DPYD: variants seen among roughly 807,000 people sequenced by gnomAD.
The protein encoded by DPYD is dihydropyrimidine dehydrogenase.
Under a neutral mutation model 116.2 loss-of-function variants are expected in DPYD, and 109 were observed. The ratio of observed to expected loss-of-function variants is 0.94; its 90% confidence interval spans 0.80 to 1.10. DPYD has a LOEUF of 1.10. Among genes scored for constraint, DPYD ranks in the 50% least tolerant of loss-of-function variants. The pLI is 0.00. For synonymous variants in DPYD, 440 were observed against 432.0 expected (o/e 1.02, Z -0.23); for missense variants, 1,302 against 1,254.5 (o/e 1.04, Z -0.57).
At chr1:97,311,507 G>C (rs542262019) in intron 16 of DPYD, among the ~76,000 whole-genome samples, 3 of 151,654 alleles carry the variant, frequency 2.0e-5, no homozygotes, top group East Asian at 3.9e-4. Flanking sequence ...CTACCAGATT[G>C]GGGGGTTGGG....
At chr1:97,384,294 T>C (rs981637613) in intron 14 of DPYD, among the ~76,000 whole-genome samples, 1 of 150,614 alleles carries the variant, frequency 6.6e-6, no homozygotes, top group Admixed American at 6.6e-5. Flanking sequence ...AACGTTTTCA[T>C]CAGGAGAATA....
chr1:97,586,485 T>C lies in DPYD; in HGVS notation c.1128+6733A>G, dbSNP rs1356087060. On this transcript the variant is annotated intron_variant, in intron 10 of 22. Coordinates refer to ENST00000370192, the MANE Select transcript of DPYD (RefSeq NM_000110.4). ...ACATACATATATATATATATATATA[T>C]ATATATATATATATATATATATATA... Among the ~76,000 whole-genome samples, 30 of 103,484 alleles carry C rather than the reference T, an allele frequency of 2.9e-4. 1 individual carries two copies. Among genetic ancestry groups the C allele is most frequent in the Non-Finnish European group, 5.0e-4 (26 of 52,268 alleles). 67.9% of individuals were successfully genotyped at this position (103,484 alleles called of 152,430 possible). A position where few individuals can be genotyped will look rare whatever the true frequency, so the allele number is the denominator to read the frequency against.
chr1:97,731,386 TA>T (rs1418842537), intron 4 of DPYD, among the ~76,000 whole-genome samples: 1 of 152,062 alleles, frequency 6.6e-6, no homozygotes, highest in African/African-American at 2.4e-5. Flanking sequence ...TAATTTACTT[TA>T]AAAATTTTAA....
At chr1:97,490,240 G>A (rs1189309986) in intron 13 of DPYD, among the ~76,000 whole-genome samples, 9 of 150,982 alleles carry the variant, frequency 6.0e-5, no homozygotes, top group African/African-American at 2.2e-4. Context: ...CTGCTATACC[G>A]CTTACTAACA....
intron 20 of DPYD, among the ~76,000 whole-genome samples, chr1:97,145,775 T>C (rs1199777618): frequency 6.7e-6 from 1 of 149,834 alleles, no homozygotes. Flanking sequence ...TTGTTTGACT[T>C]TTTTTTTTTT....
At chr1:97,511,797 C>A (rs530433156) in intron 13 of DPYD, among the ~76,000 whole-genome samples, 1 of 151,970 alleles carries the variant, frequency 6.6e-6, no homozygotes, top group East Asian at 1.9e-4. Flanking sequence ...GTTAGGCCAG[C>A]CGATTTTTAC....
At chr1:97,178,327 A>G (rs942496148) in intron 20 of DPYD, among the ~76,000 whole-genome samples, 8 of 152,178 alleles carry the variant, frequency 5.3e-5, no homozygotes, top group African/African-American at 1.2e-4. Context: ...CTATAAAGAC[A>G]TAACAGAGAC....
intron 7 of DPYD, among the ~76,000 whole-genome samples, chr1:97,680,976 C>T (rs1660399497): frequency 1.3e-5 from 2 of 152,082 alleles, no homozygotes; most frequent in Admixed American, 6.6e-5. Context: ...TTCCTAAAAA[C>T]AAAGCCCTTA....
chr1:97,291,144 C>G (rs1385684227), intron 18 of DPYD, among the ~76,000 whole-genome samples: 1 of 152,166 alleles, frequency 6.6e-6, no homozygotes, highest in Non-Finnish European at 1.5e-5. Context: ...GATATACCAT[C>G]TCACACCAGT....
intron 5 of DPYD, among the ~76,000 whole-genome samples, chr1:97,714,981 G>A (rs1010027663): frequency 6.6e-6 from 1 of 152,042 alleles, no homozygotes; most frequent in African/African-American, 2.4e-5. Context: ...TTAATTTCCT[G>A]GAGTTTCCTG....
In DPYD at chr1:97,814,916, A is replaced by AG. The variant is rs1469386073; in HGVS notation, c.233+13197_233+13198insC. 3.0e-4 allele frequency among the ~76,000 whole-genome samples: 12 copies of AG among 40,178 alleles called. No individual in the cohort carries two copies. The East Asian group carries it at 5.6e-3, about 19-fold the overall frequency. 26.4% of individuals were successfully genotyped at this position (40,178 alleles called of 152,430 possible). A position where few individuals can be genotyped will look rare whatever the true frequency, so the allele number is the denominator to read the frequency against. On this transcript the variant is annotated intron_variant, in intron 3 of 22. Coordinates refer to ENST00000370192, the MANE Select transcript of DPYD (RefSeq NM_000110.4). ...GAGACCCTGTCTCAAAAAAAAAAAA[A>AG]AAAAAGAAAGAGAGAGGAAAGAAAG...
chr1:97,133,099 T>A (rs1257757732), intron 20 of DPYD, among the ~76,000 whole-genome samples: 1 of 152,070 alleles, frequency 6.6e-6, no homozygotes, highest in Non-Finnish European at 1.5e-5. Context: ...TATTTCTTGT[T>A]TTGTAAACTG....
At chr1:97,706,345 C>A (rs544285529) in intron 5 of DPYD, among the ~76,000 whole-genome samples, 1 of 152,078 alleles carries the variant, frequency 6.6e-6, no homozygotes, top group South Asian at 2.1e-4. Flanking sequence ...ATTAAGAGAA[C>A]TGCCTCCCTA....
chr1:97,083,220 T>A (rs1202072078), intron 21 of DPYD, among the ~76,000 whole-genome samples: 26 of 152,144 alleles, frequency 1.7e-4, no homozygotes, highest in Admixed American at 1.7e-3. Context: ...TTTTGCTTCA[T>A]AAAACAAAAC....
chr1:97,245,987 T>G (rs1662691075), intron 18 of DPYD, among the ~76,000 whole-genome samples: 1 of 152,118 alleles, frequency 6.6e-6, no homozygotes, highest in Non-Finnish European at 1.5e-5. Context: ...AAACACAGGC[T>G]GTACAGCAGT....
At chr1:97,496,459 C>A (rs1457451628) in intron 13 of DPYD, among the ~76,000 whole-genome samples, 16 of 152,034 alleles carry the variant, frequency 1.1e-4, no homozygotes, top group Non-Finnish European at 2.2e-4. Context: ...TCCTTCTTTG[C>A]ATATAGTTCA....
chr1:97,690,647 C>G (rs1030018003), intron 7 of DPYD, among the ~76,000 whole-genome samples: 4 of 151,880 alleles, frequency 2.6e-5, no homozygotes, highest in Non-Finnish European at 5.9e-5. Flanking sequence ...TAGAGAAGAA[C>G]TTGTATTCAA....
chr1:97,182,369 A>G (rs1657705870), intron 20 of DPYD, among the ~76,000 whole-genome samples: 1 of 152,112 alleles, frequency 6.6e-6, no homozygotes, highest in South Asian at 2.1e-4. Flanking sequence ...TGATCTGATA[A>G]TTTTGAACCT....
chr1:97,220,140 T>C (rs963525098), intron 19 of DPYD, among the ~76,000 whole-genome samples: 1 of 152,192 alleles, frequency 6.6e-6, no homozygotes, highest in Non-Finnish European at 1.5e-5. Context: ...AGGTGGGGTC[T>C]GTAAGAGGTG....
Sources: allele counts gnomAD v4.1 joint callset (sites outside exome capture counted in the v4.1 genomes callset), GRCh38; gene constraint gnomAD v4.1.1; transcripts MANE v1.5; gene names NCBI Gene and HGNC (gene_info 2026-07-23, HGNC 2026-07-21).